The following KCTD20 variants were observed in gnomAD, a reference collection of about 807,000 sequenced individuals.
KCTD20 encodes the protein potassium channel tetramerization domain containing 20, also known as BTB/POZ domain-containing protein KCTD20.
KCTD20 carries 30 observed loss-of-function variants against 39.6 expected under a neutral mutation model. The ratio of observed to expected loss-of-function variants is 0.76; its 90% CI spans 0.57 to 1.03. The LOEUF is 1.03. Among genes scored for constraint, KCTD20 ranks in the 50% least tolerant of loss-of-function variants. The pLI is 0.00. For synonymous variants in KCTD20, 162 were observed against 180.6 expected, an observed-to-expected ratio of 0.90 and a Z score of 0.83; for missense variants, 422 against 522.0, an observed-to-expected ratio of 0.81 and a Z score of 1.87.
chr6:36,464,601 T>C (rs1426946403), intron 1 of KCTD20, among the ~76,000 whole-genome samples: 1 of 152,002 alleles, frequency 6.6e-6, no homozygotes, highest in Non-Finnish European at 1.5e-5. Flanking sequence ...CCCATCCCCC[T>C]CTGTTTCCCC....
rs941110125 is a variant in KCTD20, at chr6:36,472,094, C to T, written c.160+1837C>T. On this transcript the variant is annotated intron_variant, in intron 2 of 7. Transcript: ENST00000373731. ...CGATCTCCTGACCTCATGATCCGCC[C>T]GCCTCGGCCTTCCAAAGTGCTGGGA... 3.3e-5 allele frequency among the ~76,000 whole-genome samples: 5 copies of T among 152,218 alleles called. No individual in the cohort carries two copies. The East Asian group carries it at 5.8e-4, about 18-fold the overall frequency.
At chr6:36,447,295 CTG>C (rs1353018657) in intron 1 of KCTD20, among the ~76,000 whole-genome samples, 12 of 152,146 alleles carry the variant, frequency 7.9e-5, no homozygotes, top group Non-Finnish European at 1.2e-4. Flanking sequence ...GCCTCACAAA[CTG>C]TAAGTTTTCA....
intron 6 of KCTD20, 106 bp from the exon 7 acceptor site, chr6:36,484,608 T>C (rs1216251664): frequency 1.7e-6 from 1 of 583,694 alleles, no homozygotes; most frequent in African/African-American, 1.9e-5. Flanking sequence ...CTGGATTATT[T>C]GGGATTAGGA....
intron 3 of KCTD20, among the ~76,000 whole-genome samples, chr6:36,477,481 C>CTTTTTT (rs760205169): frequency 7.6e-6 from 1 of 130,942 alleles, no homozygotes; most frequent in African/African-American, 2.9e-5. Context: ...ATTTTCTTTT[C>CTTTTTT]TTTTTTTTTT....
rs1776160603 is a variant in KCTD20, at chr6:36,479,193, C to T, written c.507C>T (p.Gly169=). The T allele has an allele frequency of 2.5e-6, 4 of 1,613,842 alleles. No individual in the cohort carries two copies. The highest frequency in any genetic ancestry group is 1.7e-6 in the Non-Finnish European group (2 of 1,179,774). The change falls in exon 4 of 8, where the codon GGC becomes GGT. Residue 169 remains glycine, a synonymous_variant. Coordinates refer to ENST00000373731, the MANE Select transcript of KCTD20 (RefSeq NM_173562.5). Reference sequence around the variant, plus strand: ...AGGGAGAGTATGAGATTGCTGAAGGCATCAGTGCAACTGTATTTCGCACAG... The same window carrying T: ...AGGGAGAGTATGAGATTGCTGAAGGTATCAGTGCAACTGTATTTCGCACAG... ...NEKGEYEIAE[G]ISATVFRTVL...
At position 36,484,808 on chromosome 6, in the gene KCTD20, T is replaced by A. The variant is rs1294691335; in HGVS notation, c.951T>A (p.Ile317=). 6.3e-7 allele frequency: 1 copy of A among 1,584,170 alleles called. No homozygotes were observed. Among genetic ancestry groups the A allele is most frequent in the African/African-American group, 1.4e-5 (1 of 72,562 alleles). The part of the protein sequence containing the change: ...TVLKERGLKN[I]RIGIEGYPTC... The stretch of plus-strand genomic sequence containing the variant: ...TAAAGGAACGGGGCCTAAAAAACAT[T>A]CGCATTGGAATTGAAGGTAAAAAAA... Residue 317 remains isoleucine (I), a synonymous_variant, in exon 7 of 8, where the codon ATT becomes ATA. Transcript: ENST00000373731.
At chr6:36,443,178 GC>G (rs945540595) in intron 1 of KCTD20, 67 bp downstream of exon 1, 3 of 152,834 alleles carry the variant, frequency 2.0e-5, no homozygotes, top group African/African-American at 4.8e-5. Context: ...GGCGGGCGTG[GC>G]CCGAGTCTTC....
At position 36,470,081 on chromosome 6, in the gene KCTD20, G is replaced by A. The variant is rs748660999; in HGVS notation, c.-17G>A. The A allele has an allele frequency of 1.2e-6, 2 of 1,607,658 alleles. No homozygotes were observed. Among genetic ancestry groups the A allele is most frequent in the East Asian group, 2.2e-5 (1 of 44,710 alleles). On this transcript the variant is annotated 5_prime_UTR_variant, in exon 2 of 8. Coordinates refer to ENST00000373731, the MANE Select transcript of KCTD20 (RefSeq NM_173562.5). The stretch of plus-strand genomic sequence containing the variant: ...TCTCTCTGATCAAACGGACAGTTCA[G>A]GACTCAGAATCTAAGGATGAATGTT...
intron 1 of KCTD20, chr6:36,452,483 G>A (rs1327983881): frequency 6.6e-6 from 1 of 151,630 alleles, no homozygotes; most frequent in Admixed American, 6.6e-5. Flanking sequence ...TAGTCTCATG[G>A]GATGTGTACT....
intron 1 of KCTD20, among the ~76,000 whole-genome samples, chr6:36,461,042 G>A (rs1775587310): frequency 6.6e-6 from 1 of 152,066 alleles, no homozygotes; most frequent in Non-Finnish European, 1.5e-5. Flanking sequence ...ATAATATATA[G>A]TGCATGATAT....
chr6:36,482,121 A>G (rs542643272), intron 6 of KCTD20, among the ~76,000 whole-genome samples: 26 of 152,314 alleles, frequency 1.7e-4, no homozygotes, highest in African/African-American at 6.0e-4. Flanking sequence ...TGCCCCATCT[A>G]TCCAGTTTTG....
chr6:36,451,798 G>A (rs1775264077), intron 1 of KCTD20, among the ~76,000 whole-genome samples: 1 of 151,450 alleles, frequency 6.6e-6, no homozygotes, highest in Non-Finnish European at 1.5e-5. Flanking sequence ...CCCTATTTTA[G>A]TTATTTTCAA....
intron 1 of KCTD20, chr6:36,451,176 C>G (rs916744436): frequency 1.3e-5 from 2 of 152,168 alleles, no homozygotes; most frequent in African/African-American, 4.8e-5. Context: ...TCCTAAGTAG[C>G]TGGGGCTACA....
chr6:36,486,617 C>A (rs1776431185), intron 7 of KCTD20, among the ~76,000 whole-genome samples: 2 of 152,198 alleles, frequency 1.3e-5, no homozygotes, highest in South Asian at 4.1e-4. Context: ...TAAGAGGCTT[C>A]TCTCCTCTTT....
At chr6:36,481,334 A>G (rs1776242361) in intron 5 of KCTD20, among the ~76,000 whole-genome samples, 1 of 152,228 alleles carries the variant, frequency 6.6e-6, no homozygotes, top group Non-Finnish European at 1.5e-5. Flanking sequence ...CTCGATCAGA[A>G]TGCTCAAGGA....
chr6:36,460,121 T>G (rs912677007), intron 1 of KCTD20, among the ~76,000 whole-genome samples: 1 of 152,158 alleles, frequency 6.6e-6, no homozygotes, highest in Non-Finnish European at 1.5e-5. Flanking sequence ...GTTGACCAGC[T>G]TTTTTGTAGG....
rs544835415 is a variant in KCTD20, at chr6:36,454,152, G to A, written c.-47+11041G>A. ...CAAAAGAATTACTCTGCAATTGGGT[G>A]CAAATTTGGTTAATTTATGAATGAT... On this transcript the variant is annotated intron_variant, in intron 1 of 7. Coordinates refer to ENST00000373731, the MANE Select transcript of KCTD20 (RefSeq NM_173562.5). 6.4e-4 allele frequency among the ~76,000 whole-genome samples: 97 copies of A among 152,306 alleles called. No individual in the cohort carries two copies. The Middle Eastern group carries it at 0.01, about 16-fold the overall frequency.
At chr6:36,476,500 G>A (rs1211828307) in intron 3 of KCTD20, among the ~76,000 whole-genome samples, 1 of 150,600 alleles carries the variant, frequency 6.6e-6, no homozygotes, top group African/African-American at 2.4e-5. Context: ...TGCAATCTCG[G>A]CTCACTGCAA....
At chr6:36,483,553 C>G (rs1305202146) in intron 6 of KCTD20, among the ~76,000 whole-genome samples, 1 of 152,086 alleles carries the variant, frequency 6.6e-6, no homozygotes, top group Non-Finnish European at 1.5e-5. Flanking sequence ...CTTGCTCTTT[C>G]ACCCAGGCTG....
Sources: allele counts gnomAD v4.1 joint callset (sites outside exome capture counted in the v4.1 genomes callset), GRCh38; gene constraint gnomAD v4.1.1; transcripts MANE v1.5; gene names NCBI Gene and HGNC (gene_info 2026-07-23, HGNC 2026-07-21).